PDE6A: variants seen among roughly 807,000 people sequenced by gnomAD.
PDE6A encodes the protein rod cGMP-specific 3',5'-cyclic phosphodiesterase subunit alpha.
A neutral mutation model predicts 106.3 loss-of-function variants in PDE6A; 84 were observed. The ratio of observed to expected loss-of-function variants is 0.79; its 90% CI spans 0.66 to 0.95. The LOEUF (loss-of-function observed/expected upper bound fraction) is 0.95. Among genes scored for constraint, PDE6A ranks in the 40% least tolerant of loss-of-function variants. The pLI is 0.00. For synonymous variants in PDE6A, 394 were observed against 386.6 expected (o/e 1.02, Z -0.23); for missense variants, 1,052 against 1,084.9 (o/e 0.97, Z 0.43).
At chr5:149,888,006 C>G (rs150181239) in intron 13 of PDE6A, among the ~76,000 whole-genome samples, 1 of 152,060 alleles carries the variant, frequency 6.6e-6, no homozygotes, top group South Asian at 2.1e-4. Context: ...TTAACCCTCG[C>G]CTTCCCTTCA....
intron 16 of PDE6A, among the ~76,000 whole-genome samples, chr5:149,884,260 GTA>G (rs1180341448): frequency 2.3e-4 from 32 of 141,650 alleles, no homozygotes; most frequent in African/African-American, 4.7e-4. Context: ...ATATATATGT[GTA>G]TATATATGTA....
intron 13 of PDE6A, among the ~76,000 whole-genome samples, chr5:149,887,756 C>T (rs1245409331): frequency 6.8e-6 from 1 of 147,934 alleles, no homozygotes; most frequent in Non-Finnish European, 1.5e-5. Context: ...CAATGGCATC[C>T]CACCGAGACA....
intron 6 of PDE6A, among the ~76,000 whole-genome samples, chr5:149,910,308 T>C (rs1753334876): frequency 6.6e-6 from 1 of 152,226 alleles, no homozygotes; most frequent in Admixed American, 6.5e-5. Flanking sequence ...TCTTTCAGAT[T>C]AGTCTCCTGT....
At chr5:149,915,146 T>C (rs1753512773) in intron 5 of PDE6A, 139 bp from the exon 6 acceptor site, 1 of 595,284 alleles carries the variant, frequency 1.7e-6, no homozygotes, top group Admixed American at 2.7e-5. Context: ...GCTATTCTTC[T>C]GCCTCAGCCT....
chr5:149,896,558 A>G (rs1328636864), intron 11 of PDE6A, 56 bp from the exon 12 acceptor site: 1 of 1,613,860 alleles, frequency 6.2e-7, no homozygotes, highest in East Asian at 2.2e-5. Context: ...CTGGGTGCCC[A>G]CCTCCTGTCC....
At chr5:149,864,344 T>G (rs1340252573) in intron 20 of PDE6A, among the ~76,000 whole-genome samples, 1 of 152,138 alleles carries the variant, frequency 6.6e-6, no homozygotes, top group Non-Finnish European at 1.5e-5. Flanking sequence ...GTTCAAGTGA[T>G]TCTCCTGCCT....
Position 149,868,634 on chromosome 5 carries a change from T to C in PDE6A, c.2136-476A>G, listed in dbSNP as rs78981897. ...TGCTCTTTTCTACTGTAGAGAAGTG[T>C]TTCTCAACTTTTTTTCTCATCATTG... On this transcript the variant is annotated intron_variant, in intron 17 of 21. Transcript: ENST00000255266. 7.5e-3 allele frequency among the ~76,000 whole-genome samples: 1,146 copies of C among 152,246 alleles called. 13 individuals carry two copies. Among genetic ancestry groups the C allele is most frequent in the African/African-American group, 0.026 (1,100 of 41,536 alleles).
chr5:149,919,515 G>C (rs1423593563), intron 5 of PDE6A, among the ~76,000 whole-genome samples: 1 of 151,986 alleles, frequency 6.6e-6, no homozygotes, highest in African/African-American at 2.4e-5. Flanking sequence ...CTCAAAAAAA[G>C]AAATGGACAT....
rs2113507459 is a variant in PDE6A, at chr5:149,867,736, G to A, written c.2263C>T (p.Gln755Ter). The change falls in exon 19 of 22, where the codon CAG becomes TAG. Residue 755 changes from glutamine (Q) to a stop codon, truncating the protein, a stop_gained. Transcript: ENST00000255266. LOFTEE classifies it high-confidence loss of function. ...CCCTGTCTACTCACAATGGGATTCT[G>A]TTGCAGCACCGTGCGCTCCAGGTCA... ...QGDLERTVLQ[Q>*]NPIPMMDRNK... 1.2e-6 allele frequency: 2 copies of A among 1,613,864 alleles called. No individual in the cohort carries two copies. The highest frequency in any genetic ancestry group is 1.7e-6 in the Non-Finnish European group (2 of 1,179,896).
intron 20 of PDE6A, among the ~76,000 whole-genome samples, chr5:149,865,674 T>G (rs911314260): frequency 3.9e-5 from 6 of 152,236 alleles, no homozygotes; most frequent in Non-Finnish European, 7.3e-5. Flanking sequence ...TCACTTTGCA[T>G]CTCTGACTTT....
intron 6 of PDE6A, among the ~76,000 whole-genome samples, chr5:149,912,684 C>A (rs976861594): frequency 1.3e-5 from 2 of 152,150 alleles, no homozygotes; most frequent in African/African-American, 2.4e-5. Context: ...ACCACACCCG[C>A]TAGCTGGCAG....
At chr5:149,895,508 TG>T (rs779072078) in intron 12 of PDE6A, among the ~76,000 whole-genome samples, 89 of 12,464 alleles carry the variant, frequency 7.1e-3, no homozygotes, top group South Asian at 0.02. Context: ...ACTAAGAAGA[TG>T]TTGTTGTTGT....
At chr5:149,891,309 A>C (rs1280095826) in intron 13 of PDE6A, among the ~76,000 whole-genome samples, 1 of 152,140 alleles carries the variant, frequency 6.6e-6, no homozygotes, top group Non-Finnish European at 1.5e-5. Flanking sequence ...GTCTCTACAA[A>C]AAATACAAAA....
chr5:149,901,894 T>C (rs1218409440), intron 8 of PDE6A, among the ~76,000 whole-genome samples: 1 of 152,274 alleles, frequency 6.6e-6, no homozygotes, highest in Non-Finnish European at 1.5e-5. Context: ...AATTATTTCC[T>C]GATTGATAAT....
At position 149,923,859 on chromosome 5, in the gene PDE6A, T is replaced by G. The variant is rs527855449; in HGVS notation, c.859-2150A>C. ...AAACCGTGATCTATTAGCACTGGGT[T>G]ACTGTGGGTAGGATGCCAAGCCCTC... On this transcript the variant is annotated intron_variant, in intron 4 of 21. Coordinates refer to ENST00000255266, the MANE Select transcript of PDE6A (RefSeq NM_000440.3). 3.3e-5 allele frequency among the ~76,000 whole-genome samples: 5 copies of G among 152,326 alleles called. No individual in the cohort carries two copies. The South Asian group carries it at 1.0e-3, about 32-fold the overall frequency.
In PDE6A at chr5:149,934,035, C is replaced by T; in HGVS notation, c.628-16G>A. 1 of 1,427,154 alleles carries T rather than the reference C, an allele frequency of 7.0e-7. No individual in the cohort carries two copies. The highest frequency in any genetic ancestry group is 9.9e-7 in the Non-Finnish European group (1 of 1,010,688). The allele number at this position is 1,427,154 out of a possible 1,614,324, so 88.4% of individuals were successfully genotyped here. ...TGAGAAGAATCTAAAAATCAAACAG[C>T]ATGAGGGGAGGCAGGTGAGAAGAAG... On this transcript the variant is annotated splice_polypyrimidine_tract_variant and intron_variant, in intron 2 of 21. Coordinates refer to ENST00000255266, the MANE Select transcript of PDE6A (RefSeq NM_000440.3).
intron 17 of PDE6A, among the ~76,000 whole-genome samples, chr5:149,872,097 G>A (rs1760581712): frequency 6.6e-6 from 1 of 152,180 alleles, no homozygotes; most frequent in Admixed American, 6.6e-5. Context: ...GGAGGGGATG[G>A]AGTTCAATAG....
At chr5:149,873,300 T>G (rs1760625004) in intron 17 of PDE6A, among the ~76,000 whole-genome samples, 1 of 152,134 alleles carries the variant, frequency 6.6e-6, no homozygotes, top group Admixed American at 6.5e-5. Context: ...GAAGTTTGAA[T>G]TTCTTATGAT....
chr5:149,874,945 C>G (rs1347327374), intron 17 of PDE6A, among the ~76,000 whole-genome samples: 1 of 152,098 alleles, frequency 6.6e-6, no homozygotes, highest in Admixed American at 6.6e-5. Context: ...CCACCATGAT[C>G]CTCACTGAGC....
Sources: gnomAD v4.1 joint callset for allele counts (sites outside exome capture counted in the v4.1 genomes callset) on GRCh38, gnomAD v4.1.1 for gene constraint, MANE v1.5 for transcripts, NCBI Gene and HGNC (gene_info 2026-07-23, HGNC 2026-07-21) for gene names.